The following FUT8 variants were observed in gnomAD, a reference collection of about 807,000 sequenced individuals.
FUT8 encodes the protein fucosyltransferase 8, also known as alpha-(1,6)-fucosyltransferase.
In FUT8, 29 loss-of-function variants were observed where a neutral mutation model predicts 71.3. The observed-to-expected ratio is 0.41, with a 90% CI of 0.30 to 0.55. FUT8 has a LOEUF of 0.55. FUT8 is among the 20% of genes least tolerant of loss of function. The pLI, the probability that FUT8 is intolerant of heterozygous loss-of-function variation, is 0.34. For missense variants in FUT8, 544 were observed against 702.1 expected (o/e 0.77, Z 2.55); for synonymous variants, 254 against 239.3 (o/e 1.06, Z -0.57).
chr14:65,521,225 G>A (rs1402909591), intron 2 of FUT8, among the ~76,000 whole-genome samples: 2 of 151,914 alleles, frequency 1.3e-5, no homozygotes, highest in Admixed American at 6.6e-5. Context: ...TAGAAGAAGG[G>A]AATTATAGAA....
the FUT8 span, among the ~76,000 whole-genome samples, chr14:65,370,201 C>CTTTT: frequency 1.9e-4 from 11 of 58,454 alleles, no homozygotes; most frequent in South Asian, 1.1e-3. Flanking sequence ...CACACATAGT[C>CTTTT]TTTTTTTTTT....
At chr14:65,474,594 A>T (rs1195403028) in intron 2 of FUT8, among the ~76,000 whole-genome samples, 4 of 147,328 alleles carry the variant, frequency 2.7e-5, no homozygotes, top group Non-Finnish European at 5.9e-5. Flanking sequence ...TCTCAAAAAT[A>T]AATAAATAAA....
At chr14:65,740,886 A>C (rs1484322805) in intron 10 of FUT8, among the ~76,000 whole-genome samples, 1 of 152,032 alleles carries the variant, frequency 6.6e-6, no homozygotes, top group African/African-American at 2.4e-5. Context: ...TCAAGTTTTT[A>C]ATCTTCATAA....
At chr14:65,735,831 AT>A (rs1896190646) in intron 10 of FUT8, among the ~76,000 whole-genome samples, 1 of 152,194 alleles carries the variant, frequency 6.6e-6, no homozygotes. Flanking sequence ...GTAAAGAAGT[AT>A]TTAGTAAAGT....
intron 2 of FUT8, among the ~76,000 whole-genome samples, chr14:65,473,998 A>G (rs2066189897): frequency 6.6e-6 from 1 of 152,126 alleles, no homozygotes; most frequent in Admixed American, 6.6e-5. Context: ...TTTTGCAGCA[A>G]TTTGGGTGGA....
rs1284830684 is a variant in FUT8, at chr14:65,599,251, A to G, written c.204-16727A>G. ...TATGGTATCAGTATCAGGCATATAA[A>G]TAAGATAATCATTTTTCTGAAAAGA... On this transcript the variant is annotated intron_variant, in intron 3 of 10. Transcript: ENST00000673929. 2.0e-5 allele frequency among the ~76,000 whole-genome samples: 3 copies of G among 152,182 alleles called. No individual in the cohort carries two copies. In the East Asian group the frequency reaches 5.8e-4, roughly 29 times the overall value.
At chr14:65,362,835 G>A in the FUT8 span, among the ~76,000 whole-genome samples, 141 of 152,072 alleles carry the variant, frequency 9.3e-4, 2 homozygotes, top group Admixed American at 9.0e-3. Flanking sequence ...GGTGGTGTGT[G>A]CCTGTAGTCC....
intron 1 of FUT8, among the ~76,000 whole-genome samples, chr14:65,436,063 T>G (rs1278451137): frequency 6.6e-6 from 1 of 151,916 alleles, no homozygotes; most frequent in East Asian, 1.9e-4. Context: ...CCCGAGAAGC[T>G]GGGACCACAG....
chr14:65,440,324 T>A (rs2065634650), intron 1 of FUT8, among the ~76,000 whole-genome samples: 1 of 151,872 alleles, frequency 6.6e-6, no homozygotes, highest in African/African-American at 2.4e-5. Context: ...TGTTGTATAC[T>A]TGAAAATTGC....
At chr14:65,487,814 T>C (rs1258130377) in intron 2 of FUT8, among the ~76,000 whole-genome samples, 3 of 152,160 alleles carry the variant, frequency 2.0e-5, no homozygotes, top group African/African-American at 7.2e-5. Context: ...GCTCCTTGCA[T>C]TCTTTGTGCA....
rs552239578 is a variant in FUT8 at position 65,452,153 on chromosome 14, AG to A, written c.-325-3466del. Reference sequence around the variant, plus strand: ...GATCCTATTTATGCTTCTTTGCTTTAGGATAACTTATTGACATATAAGTGGT... The same window carrying A: ...GATCCTATTTATGCTTCTTTGCTTTAGATAACTTATTGACATATAAGTGGT... On this transcript the variant is annotated intron_variant, in intron 1 of 10. Coordinates refer to ENST00000673929, the MANE Select transcript of FUT8 (RefSeq NM_001371533.1). 5.4e-4 allele frequency among the ~76,000 whole-genome samples: 83 copies of A among 152,296 alleles called. 3 individuals carry two copies. The South Asian group carries it at 0.016, about 30-fold the overall frequency.
At chr14:65,579,698 A>T (rs1886972371) in intron 3 of FUT8, among the ~76,000 whole-genome samples, 1 of 152,168 alleles carries the variant, frequency 6.6e-6, no homozygotes, top group Non-Finnish European at 1.5e-5. Context: ...TAGATATAGT[A>T]TATCTAAAAA....
At chr14:65,593,358 A>G (rs1887792660) in intron 3 of FUT8, among the ~76,000 whole-genome samples, 1 of 152,234 alleles carries the variant, frequency 6.6e-6, no homozygotes, top group Non-Finnish European at 1.5e-5. Context: ...TCATTTTGAA[A>G]TAGGAAAAAT....
the FUT8 span, among the ~76,000 whole-genome samples, chr14:65,373,214 C>A: frequency 6.6e-6 from 1 of 151,342 alleles, no homozygotes; most frequent in Non-Finnish European, 1.5e-5. Flanking sequence ...AGGGTGGAGT[C>A]CCTGGCGAGG....
At chr14:65,448,002 A>G (rs1372315366) in intron 1 of FUT8, among the ~76,000 whole-genome samples, 1 of 152,178 alleles carries the variant, frequency 6.6e-6, no homozygotes, top group Non-Finnish European at 1.5e-5. Context: ...ACATATTTAT[A>G]TTGGTATTTT....
chr14:65,547,713 T>G (rs533314090), intron 2 of FUT8, among the ~76,000 whole-genome samples: 193 of 151,934 alleles, frequency 1.3e-3, no homozygotes, highest in South Asian at 5.4e-3. Flanking sequence ...TTTGCATTTA[T>G]TTTTTAAAAG....
intron 3 of FUT8, among the ~76,000 whole-genome samples, chr14:65,609,858 T>C (rs1888788172): frequency 6.6e-6 from 1 of 151,910 alleles, no homozygotes; most frequent in African/African-American, 2.4e-5. Flanking sequence ...ATATGAATTT[T>C]ATTACTGGCC....
At chr14:65,430,986 A>G (rs1595365690) in intron 1 of FUT8, among the ~76,000 whole-genome samples, 1 of 147,688 alleles carries the variant, frequency 6.8e-6, no homozygotes, top group South Asian at 2.1e-4. Flanking sequence ...GACCTTTTCT[A>G]CTAATTTTTT....
Position 65,472,349 on chromosome 14 carries a change from A to G in FUT8, c.-228+16631A>G, listed in dbSNP as rs928417325. ...GAGGAAGAGCATTAATTTATTCTTG[A>G]GGGTTCTGACCCCTCCCCACCATGC... On this transcript the variant is annotated intron_variant, in intron 2 of 10. Transcript: ENST00000673929. The surrounding 1 kb of genome is among the most constrained non-coding windows in gnomAD (Gnocchi z 4.4). Among the ~76,000 whole-genome samples, 30 of 152,072 alleles carry G rather than the reference A, an allele frequency of 2.0e-4. No homozygotes were observed. Among genetic ancestry groups the G allele is most frequent in the Admixed American group, 1.2e-3 (19 of 15,276 alleles).
Sources: allele counts gnomAD v4.1 joint callset (sites outside exome capture counted in the v4.1 genomes callset), GRCh38; gene constraint gnomAD v4.1.1; non-coding constraint Gnocchi (gnomAD v3.1); transcripts MANE v1.5; gene names NCBI Gene and HGNC (gene_info 2026-07-23, HGNC 2026-07-21).